The following MYO6 variants were observed in gnomAD, a reference collection of about 807,000 sequenced individuals.
MYO6 encodes the protein unconventional myosin-VI.
Under a neutral mutation model 178.7 loss-of-function variants are expected in MYO6, and 74 were observed. The observed-to-expected ratio is 0.41, with a 90% CI of 0.34 to 0.50. The LOEUF is 0.50. Ranked by LOEUF, MYO6 falls within the 20% of genes least tolerant of loss-of-function variation. The pLI, the probability that MYO6 is intolerant of heterozygous loss-of-function variation, is 0.09. For missense variants in MYO6, 1,330 were observed against 1,547.4 expected, an observed-to-expected ratio of 0.86 and a Z score of 2.36; for synonymous variants, 477 against 504.6, an observed-to-expected ratio of 0.95 and a Z score of 0.73.
At chr6:75,886,181 T>G in intron 24 of MYO6, 87 bp downstream of exon 24, 1 of 871,752 alleles carries the variant, frequency 1.1e-6, no homozygotes, top group African/African-American at 1.7e-5. Context: ...AAAAGCAGTT[T>G]GGATACTCAG....
chr6:75,791,597 A>G (rs1768256221), intron 1 of MYO6, among the ~76,000 whole-genome samples: 1 of 152,226 alleles, frequency 6.6e-6, no homozygotes, highest in Non-Finnish European at 1.5e-5. Flanking sequence ...TTCCATTAGT[A>G]AAAAGTACTC....
chr6:75,791,598 A>C (rs946004035), intron 1 of MYO6, among the ~76,000 whole-genome samples: 2 of 152,224 alleles, frequency 1.3e-5, no homozygotes, highest in African/African-American at 4.8e-5. Flanking sequence ...TCCATTAGTA[A>C]AAAGTACTCG....
chr6:75,871,632 GTTAGA>G (rs1032904443), intron 19 of MYO6, among the ~76,000 whole-genome samples: 9 of 152,098 alleles, frequency 5.9e-5, no homozygotes, highest in Admixed American at 4.6e-4. Flanking sequence ...TTAACTTACT[GTTAGA>G]TTAATTTTTG....
chr6:75,905,096 G>C (rs915360713), intron 30 of MYO6, among the ~76,000 whole-genome samples: 3 of 152,194 alleles, frequency 2.0e-5, no homozygotes, highest in African/African-American at 7.2e-5. Flanking sequence ...CAGATCTCCA[G>C]CTGCGTCCTG....
chr6:75,897,354 ATTGTAT>A (rs1389847871), intron 29 of MYO6, among the ~76,000 whole-genome samples: 4 of 152,204 alleles, frequency 2.6e-5, no homozygotes, highest in African/African-American at 7.2e-5. Flanking sequence ...TTTTTATTAG[ATTGTAT>A]TTGTGTTATA....
chr6:75,763,733 C>T (rs919418168), intron 1 of MYO6, among the ~76,000 whole-genome samples: 1 of 152,046 alleles, frequency 6.6e-6, no homozygotes, highest in Non-Finnish European at 1.5e-5. Context: ...TAGGTAAATG[C>T]TAGAGTTCTA....
chr6:75,840,315 C>T (rs1473301440), intron 7 of MYO6, among the ~76,000 whole-genome samples: 1 of 152,012 alleles, frequency 6.6e-6, no homozygotes, highest in Non-Finnish European at 1.5e-5. Context: ...GCATGCACCT[C>T]CACGCCTGGC....
At chr6:75,846,385 T>G (rs1774731878) in intron 10 of MYO6, among the ~76,000 whole-genome samples, 1 of 152,092 alleles carries the variant, frequency 6.6e-6, no homozygotes, top group Non-Finnish European at 1.5e-5. Context: ...TTTTTTACTC[T>G]TCTTAAAATG....
chr6:75,757,361 G>A (rs1193952661), intron 1 of MYO6, among the ~76,000 whole-genome samples: 2 of 141,078 alleles, frequency 1.4e-5, no homozygotes, highest in African/African-American at 2.9e-5. Context: ...TCAGAAGTCT[G>A]TGTGTGTGTG....
intron 30 of MYO6, among the ~76,000 whole-genome samples, chr6:75,905,056 G>T (rs1780166865): frequency 6.6e-6 from 1 of 152,186 alleles, no homozygotes; most frequent in Admixed American, 6.5e-5. Context: ...GGGGTCAGGG[G>T]CCCACTTGAG....
intron 12 of MYO6, among the ~76,000 whole-genome samples, chr6:75,856,183 G>T (rs768797934): frequency 6.6e-6 from 1 of 152,108 alleles, no homozygotes; most frequent in Non-Finnish European, 1.5e-5. Context: ...ATATCTCTGC[G>T]GCCCAAGGGA....
chr6:75,873,193 C>T lies in MYO6; in HGVS notation c.1984-14C>T, dbSNP rs1197555549. On this transcript the variant is annotated splice_polypyrimidine_tract_variant and intron_variant, in intron 19 of 34. Coordinates refer to ENST00000369977, the MANE Select transcript of MYO6 (RefSeq NM_004999.4). ...CTATATGTATTGTAACAAAAAGTAC[C>T]TTTATTTTCCTAGGGAGCAAGCTTT... 1.9e-6 allele frequency: 3 copies of T among 1,608,632 alleles called. No individual in the cohort carries two copies. The highest frequency in any genetic ancestry group is 1.7e-4 in the Middle Eastern group (1 of 6,054).
At chr6:75,856,711 T>C (rs1775746495) in intron 12 of MYO6, among the ~76,000 whole-genome samples, 1 of 152,094 alleles carries the variant, frequency 6.6e-6, no homozygotes, top group South Asian at 2.1e-4. Flanking sequence ...ATGTAAACAT[T>C]TTATCCTAAA....
At position 75,822,766 on chromosome 6, in the gene MYO6, T is replaced by C; in HGVS notation, c.118-16T>C. ...TAAAAGCCTTGAGTTTAATGAGCAT[T>C]TGTTTTGCTTGTTAGACATTTTTGG... On this transcript the variant is annotated splice_polypyrimidine_tract_variant and intron_variant, in intron 2 of 34. Coordinates refer to ENST00000369977, the MANE Select transcript of MYO6 (RefSeq NM_004999.4). 6.2e-7 allele frequency: 1 copy of C among 1,610,358 alleles called. No individual in the cohort carries two copies. The highest frequency in any genetic ancestry group is 8.5e-7 in the Non-Finnish European group (1 of 1,176,874).
intron 23 of MYO6, among the ~76,000 whole-genome samples, chr6:75,885,283 TAGC>T (rs1007466978): frequency 7.9e-5 from 12 of 151,852 alleles, no homozygotes; most frequent in African/African-American, 2.9e-4. Flanking sequence ...CCTGTAATCC[TAGC>T]ACTTTGGGAG....
intron 1 of MYO6, among the ~76,000 whole-genome samples, chr6:75,778,186 A>G (rs1278385676): frequency 6.6e-6 from 1 of 152,166 alleles, no homozygotes; most frequent in Non-Finnish European, 1.5e-5. Flanking sequence ...TCTATATTTT[A>G]TGGTTTCTTA....
At position 75,822,805 on chromosome 6, in the gene MYO6, A is replaced by G. The variant is rs1475788032; in HGVS notation, c.141A>G (p.Gln47=). The change falls in exon 3 of 35, where the codon CAA becomes CAG. Residue 47 remains glutamine (Q), a synonymous_variant. Coordinates refer to ENST00000369977, the MANE Select transcript of MYO6 (RefSeq NM_004999.4). The part of the protein sequence containing the change: ...KGKTFLALIN[Q]VFPAEEDSKK... ...AGACATTTTTGGCTCTCATAAACCA[A>G]GTGTTTCCTGCAGAAGAGGACAGTA... 6.2e-7 allele frequency: 1 copy of G among 1,613,598 alleles called. No individual in the cohort carries two copies. Among genetic ancestry groups the G allele is most frequent in the South Asian group, 1.1e-5 (1 of 91,080 alleles).
At chr6:75,750,297 A>G (rs1041135788) in intron 1 of MYO6, among the ~76,000 whole-genome samples, 2 of 151,972 alleles carry the variant, frequency 1.3e-5, no homozygotes, top group African/African-American at 2.4e-5. Context: ...GGGTTTCACC[A>G]TCTTGGCCAG....
intron 2 of MYO6, among the ~76,000 whole-genome samples, chr6:75,822,154 A>G (rs1215151943): frequency 5.3e-5 from 8 of 151,264 alleles, no homozygotes; most frequent in Non-Finnish European, 1.2e-4. Context: ...GTGGAGTGCA[A>G]TGGCATGATC....
Sources: gnomAD v4.1 joint callset for allele counts (sites outside exome capture counted in the v4.1 genomes callset) on GRCh38, gnomAD v4.1.1 for gene constraint, MANE v1.5 for transcripts, NCBI Gene and HGNC (gene_info 2026-07-23, HGNC 2026-07-21) for gene names.